The following GAD1 variants were observed in gnomAD, a reference collection of about 807,000 sequenced individuals.
GAD1 encodes the protein glutamate decarboxylase 1.
GAD1 carries 35 observed loss-of-function variants against 75.2 expected under a neutral mutation model. The observed-to-expected ratio is 0.47, with a 90% CI of 0.36 to 0.62. The LOEUF is 0.62. GAD1 is among the 20% of genes least tolerant of loss of function. The pLI is 0.00. For synonymous variants in GAD1, 257 were observed against 271.9 expected (o/e 0.95, Z 0.54); for missense variants, 490 against 758.5 (o/e 0.65, Z 4.16).
chr2:170,829,297 G>T (rs1256347685), intron 3 of GAD1, 178 bp from the exon 4 acceptor site: 4 of 680,560 alleles, frequency 5.9e-6, no homozygotes, highest in African/African-American at 3.6e-5. Context: ...ATTTGGCACT[G>T]CCCCCCTCCC....
At chr2:170,823,227 G>A (rs1257755902) in intron 3 of GAD1, among the ~76,000 whole-genome samples, 1 of 152,204 alleles carries the variant, frequency 6.6e-6, no homozygotes, top group South Asian at 2.1e-4. Flanking sequence ...AGCAGGCACG[G>A]GACACGCCCG....
At chr2:170,850,159 T>A (rs1485733452) in intron 12 of GAD1, among the ~76,000 whole-genome samples, 1 of 152,182 alleles carries the variant, frequency 6.6e-6, no homozygotes, top group Non-Finnish European at 1.5e-5. Flanking sequence ...ATCTGATAAA[T>A]GCAGAAAAAA....
At position 170,858,857 on chromosome 2, in the gene GAD1, G is replaced by C; in HGVS notation, c.1575G>C (p.Val525=). The C allele has an allele frequency of 6.2e-7, 1 of 1,614,200 alleles. No individual in the cohort carries two copies. Among genetic ancestry groups the C allele is most frequent in the Non-Finnish European group, 8.5e-7 (1 of 1,180,034 alleles). ...FWYIPQSLRG[V]PDSPQRREKL... The stretch of plus-strand genomic sequence containing the variant: ...ATATTCCACAAAGCCTCAGGGGTGT[G>C]CCAGACAGCCCTCAACGACGGGAAA... Residue 525 remains valine (V), a synonymous_variant, in exon 16 of 17, where the codon GTG becomes GTC. Coordinates refer to ENST00000358196, the MANE Select transcript of GAD1 (RefSeq NM_000817.3).
At chr2:170,834,319 TTTTCAAGG>T (rs1489624330) in intron 5 of GAD1, among the ~76,000 whole-genome samples, 4 of 152,226 alleles carry the variant, frequency 2.6e-5, no homozygotes, top group African/African-American at 9.6e-5. Context: ...AGAAAGTATT[TTTTCAAGG>T]ATATTAATGC....
intron 10 of GAD1, among the ~76,000 whole-genome samples, chr2:170,846,943 G>A (rs1702646534): frequency 2.6e-5 from 4 of 152,218 alleles, no homozygotes; most frequent in African/African-American, 9.6e-5. Flanking sequence ...GGTAGAGGCT[G>A]AAGTGAGCCA....
chr2:170,818,485 G>A lies in GAD1; in HGVS notation c.-63-44G>A. On this transcript the variant is annotated intron_variant, in intron 1 of 16. Transcript: ENST00000358196. The surrounding 1 kb of genome is among the most constrained non-coding windows in gnomAD (Gnocchi z 5.9). ...GCTGCTCAGTCCCTCCGGTGTGCAG[G>A]ACCCCGGAAGTCCTCCCCGCACAGC... is the stretch of plus-strand genomic sequence containing the variant. 2.9e-6 allele frequency: 3 copies of A among 1,019,292 alleles called. No individual in the cohort carries two copies. Among genetic ancestry groups the A allele is most frequent in the Non-Finnish European group, 4.7e-6 (3 of 639,150 alleles). 63.1% of individuals were successfully genotyped at this position (1,019,292 alleles called of 1,614,324 possible). A position where few individuals can be genotyped will look rare whatever the true frequency, so the allele number is the denominator to read the frequency against.
At position 170,846,026 on chromosome 2, in the gene GAD1, C is replaced by G. The variant is rs1377219992; in HGVS notation, c.965C>G (p.Ala322Gly). The change falls in exon 10 of 17, where the codon GCT (alanine) becomes GGT (glycine). Residue 322 changes from alanine to glycine, a missense_variant. Physicochemically the swap from Ala to Gly is moderately conservative, Grantham distance 60 (BLOSUM62 0). This residue lies in a region of GAD1 where 324 missense variants were observed against 523.9 expected (regional missense o/e 0.62). Transcript: ENST00000358196. Reference sequence around the variant, plus strand: ...AATTATAGGGGGAAAATAATTCCAGCTGATTTTGAGGCAAAAATTCTTGAA... The same window carrying G: ...AATTATAGGGGGAAAATAATTCCAGGTGATTTTGAGGCAAAAATTCTTGAA... ...KCNERGKIIP[A>G]DFEAKILEAK... The G allele has an allele frequency of 6.2e-7, 1 of 1,613,434 alleles. No homozygotes were observed.
chr2:170,823,918 C>T (rs1701960442), intron 3 of GAD1, among the ~76,000 whole-genome samples: 1 of 152,196 alleles, frequency 6.6e-6, no homozygotes, highest in Non-Finnish European at 1.5e-5. Context: ...CCCTGCTCCT[C>T]TGGCTGCAGG....
At position 170,831,109 on chromosome 2, in the gene GAD1, A is replaced by G; in HGVS notation, c.464A>G (p.Asn155Ser). ...HQLLEGMEGF[N>S]LELSDHPESL... ...TTGCTGGAAGGCATGGAGGGCTTCA[A>G]CTTGGAGCTCTCTGACCACCCCGAG... The change falls in exon 5 of 17, where the codon AAC (asparagine) becomes AGC (serine). Residue 155 changes from asparagine to serine, a missense_variant. Coordinates refer to ENST00000358196, the MANE Select transcript of GAD1 (RefSeq NM_000817.3). 6.2e-7 allele frequency: 1 copy of G among 1,614,200 alleles called. No individual in the cohort carries two copies.
At chr2:170,852,116 G>A (rs1702753585) in intron 12 of GAD1, among the ~76,000 whole-genome samples, 1 of 152,130 alleles carries the variant, frequency 6.6e-6, no homozygotes, top group South Asian at 2.1e-4. Flanking sequence ...CTTGAATCCA[G>A]GCTCCAACAC....
At position 170,852,774 on chromosome 2, in the gene GAD1, C is replaced by T. The variant is rs1299759860; in HGVS notation, c.1245C>T (p.Ala415=). ...KMMGVLLQCS[A]ILVKEKGILQ... is the part of the protein sequence containing the mutation. Reference sequence around the variant, plus strand: ...TGGGCGTGCTGTTGCAGTGCTCTGCCATTCTCGTCAAGGAAAAGGTCTGTA... The same window carrying T: ...TGGGCGTGCTGTTGCAGTGCTCTGCTATTCTCGTCAAGGAAAAGGTCTGTA... Residue 415 remains alanine, a synonymous_variant, in exon 13 of 17, where the codon GCC becomes GCT. Coordinates refer to ENST00000358196, the MANE Select transcript of GAD1 (RefSeq NM_000817.3). 6.2e-7 allele frequency: 1 copy of T among 1,614,002 alleles called. No homozygotes were observed. Among genetic ancestry groups the T allele is most frequent in the Non-Finnish European group, 8.5e-7 (1 of 1,180,000 alleles).
chr2:170,854,694 C>T (rs1306008807), intron 14 of GAD1, among the ~76,000 whole-genome samples: 5 of 152,198 alleles, frequency 3.3e-5, no homozygotes, highest in South Asian at 4.1e-4. Context: ...CGTGAGCCAC[C>T]GCGCCCGGCC....
intron 6 of GAD1, among the ~76,000 whole-genome samples, chr2:170,840,447 CA>C (rs1191009117): frequency 6.6e-6 from 1 of 152,154 alleles, no homozygotes; most frequent in Non-Finnish European, 1.5e-5. Context: ...TTATTTCTCT[CA>C]TTAAAGAAGT....
At chr2:170,824,622 C>T (rs1398706032) in intron 3 of GAD1, among the ~76,000 whole-genome samples, 1 of 152,162 alleles carries the variant, frequency 6.6e-6, no homozygotes, top group African/African-American at 2.4e-5. Flanking sequence ...TCCCCCTGCC[C>T]TTCCCCAAAA....
chr2:170,845,442 G>C, intron 7 of GAD1, 64 bp from the exon 8 acceptor site: 1 of 1,364,698 alleles, frequency 7.3e-7, no homozygotes. Context: ...CCAGCTCAGC[G>C]TTCGTTTTTA....
At chr2:170,849,248 A>G in intron 11 of GAD1, 38 bp from the exon 12 acceptor site, 1 of 1,580,252 alleles carries the variant, frequency 6.3e-7, no homozygotes, top group African/African-American at 1.3e-5. Context: ...CTTAAATGTC[A>G]CTGCTCCCCT....
At chr2:170,855,872 C>CAAAAAAAAAAAAAAAAAAAAAAAAAAA (rs71008727) in intron 14 of GAD1, among the ~76,000 whole-genome samples, 1 of 111,672 alleles carries the variant, frequency 9.0e-6, no homozygotes. Context: ...GACTCCATCT[C>CAAAAAAAAAAAAAAAAAAAAAAAAAAA]AAAAAAAAAA....
intron 2 of GAD1, chr2:170,821,803 GC>G: frequency 2.1e-6 from 1 of 487,434 alleles, no homozygotes. Context: ...CTCCGGAGCT[GC>G]CGGGCGGGGG....
chr2:170,830,892 G>A, intron 4 of GAD1, 58 bp from the exon 5 acceptor site: 2 of 1,611,738 alleles, frequency 1.2e-6, no homozygotes, highest in South Asian at 1.1e-5. Context: ...GGGTCTCTGG[G>A]CTGAAGAAAT....
Sources: gnomAD v4.1 joint callset for allele counts (sites outside exome capture counted in the v4.1 genomes callset) on GRCh38, gnomAD v4.1.1 for gene constraint, gnomAD v4.1.1 regional missense constraint, Gnocchi (gnomAD v3.1) non-coding constraint, MANE v1.5 for transcripts, NCBI Gene and HGNC (gene_info 2026-07-23, HGNC 2026-07-21) for gene names.